Variants in POLR1D observed in about 807,000 individuals in gnomAD.
The protein encoded by POLR1D is RNA polymerase I and III subunit D.
A neutral mutation model predicts 10.8 loss-of-function variants in POLR1D; 8 were observed. The observed-to-expected ratio is 0.74, with a 90% confidence interval of 0.43 to 1.33. The LOEUF (loss-of-function observed/expected upper bound fraction) is 1.33, where lower values mean the gene tolerates loss of function less well. Ranked by LOEUF, POLR1D falls within the 40% of genes most tolerant of loss-of-function variation. POLR1D has a pLI of 0.01. For missense variants in POLR1D, 152 were observed against 161.7 expected (o/e 0.94, Z 0.32); for synonymous variants, 54 against 57.2 (o/e 0.94, Z 0.25).
upstream of POLR1D, chr13:27,621,883 T>G (rs1593273945): frequency 1.5e-5 from 19 of 1,276,590 alleles, no homozygotes; most frequent in East Asian, 4.8e-4. Context: ...GCGCCTTCCG[T>G]CGGTCGGTCC....
At chr13:27,641,658 G>C (rs1481552488) in intron 1 of POLR1D, among the ~76,000 whole-genome samples, 2 of 152,154 alleles carry the variant, frequency 1.3e-5, no homozygotes, top group African/African-American at 2.4e-5. Flanking sequence ...TACATGTTTG[G>C]AAATATTGTA....
upstream of POLR1D, chr13:27,621,589 G>GCC: frequency 6.4e-6 from 1 of 156,798 alleles, no homozygotes; most frequent in Middle Eastern, 2.9e-3. Flanking sequence ...TGATTTGGGG[G>GCC]CGGCAGGTAA....
chr13:27,648,584 G>A (rs912599691), intron 2 of POLR1D: 2 of 639,802 alleles, frequency 3.1e-6, no homozygotes, highest in African/African-American at 3.7e-5. Context: ...AGAGACAAGT[G>A]TAGAGTAAGA....
chr13:27,664,193 C>CA (rs1268548705), intron 2 of POLR1D, among the ~76,000 whole-genome samples: 1 of 152,316 alleles, frequency 6.6e-6, no homozygotes, highest in East Asian at 1.9e-4. Context: ...AGCGTGCCCC[C>CA]AGGAGGTAGA....
At chr13:27,665,241 A>G (rs1956403820) in intron 2 of POLR1D, 1 of 176,664 alleles carries the variant, frequency 5.7e-6, no homozygotes, top group Non-Finnish European at 1.2e-5. Flanking sequence ...TGTATTTAAT[A>G]TACAGCAGAA....
At chr13:27,634,575 A>G (rs508999) in intron 1 of POLR1D, among the ~76,000 whole-genome samples, 43,864 of 152,026 alleles carry the variant, frequency 0.29, 7,776 homozygotes, top group Admixed American at 0.42. Context: ...CCCTTTATAG[A>G]AAAGGCAACT....
In POLR1D at chr13:27,658,766, G is replaced by A. The variant is rs78994180; in HGVS notation, c.102-6920G>A. 8.5e-5 allele frequency among the ~76,000 whole-genome samples: 13 copies of A among 152,254 alleles called. No homozygotes were observed. In the East Asian group the frequency reaches 2.3e-3, roughly 27 times the overall value. ...GAGAAGCTGAAATATTGGCTCATATGACTTCCTTTTAGTCAACATAAAGGA... is the reference window on the plus strand; with the variant it reads ...GAGAAGCTGAAATATTGGCTCATATAACTTCCTTTTAGTCAACATAAAGGA... On this transcript the variant is annotated intron_variant, in intron 2 of 2. Transcript: ENST00000399697.
intron 1 of POLR1D, among the ~76,000 whole-genome samples, chr13:27,640,085 G>C (rs563345403): frequency 6.6e-6 from 1 of 152,242 alleles, no homozygotes; most frequent in Non-Finnish European, 1.5e-5. Context: ...GCTACATAGA[G>C]TTGTGAGGAT....
chr13:27,653,807 C>T (rs1042686511), intron 2 of POLR1D, among the ~76,000 whole-genome samples: 2 of 152,120 alleles, frequency 1.3e-5, no homozygotes, highest in African/African-American at 4.8e-5. Context: ...TTGGAAACCT[C>T]TTTGATGTCT....
At chr13:27,629,546 CTGTG>C (rs1956052987) in intron 1 of POLR1D, among the ~76,000 whole-genome samples, 1 of 152,080 alleles carries the variant, frequency 6.6e-6, no homozygotes, top group Admixed American at 6.5e-5. Context: ...TCTTAGTAGC[CTGTG>C]TATTTTTTTG....
intron 2 of POLR1D, among the ~76,000 whole-genome samples, chr13:27,656,059 A>G (rs1249471146): frequency 6.6e-6 from 1 of 152,176 alleles, no homozygotes; most frequent in Non-Finnish European, 1.5e-5. Context: ...ATAGGAGAAA[A>G]TACAGGATAA....
chr13:27,646,731 A>G (rs1208013604), intron 1 of POLR1D, among the ~76,000 whole-genome samples: 2 of 152,238 alleles, frequency 1.3e-5, no homozygotes, highest in African/African-American at 2.4e-5. Flanking sequence ...GTTTGAAAGC[A>G]TAGTATTAGG....
intron 2 of POLR1D, among the ~76,000 whole-genome samples, chr13:27,656,518 T>G (rs1032205558): frequency 1.3e-5 from 2 of 152,172 alleles, no homozygotes; most frequent in Non-Finnish European, 2.9e-5. Context: ...TATAATCTAA[T>G]GGGGGTGGGA....
intron 1 of POLR1D, among the ~76,000 whole-genome samples, chr13:27,631,540 T>TA (rs1956073722): frequency 6.6e-6 from 1 of 152,210 alleles, no homozygotes; most frequent in Admixed American, 6.5e-5. Flanking sequence ...CCGCCTTCTC[T>TA]AAAGTGGCAT....
intron 2 of POLR1D, chr13:27,651,499 A>C (rs1022501856): frequency 1.3e-5 from 2 of 152,160 alleles, no homozygotes; most frequent in African/African-American, 4.8e-5. Context: ...TATCTTTTAG[A>C]AATGTATTCT....
chr13:27,638,766 G>A (rs1956149523), intron 1 of POLR1D, among the ~76,000 whole-genome samples: 3 of 152,138 alleles, frequency 2.0e-5, no homozygotes. Context: ...ACAGAGAACT[G>A]CAGATGATTT....
chr13:27,654,606 TCA>T (rs1050979729), intron 2 of POLR1D, among the ~76,000 whole-genome samples: 3 of 152,202 alleles, frequency 2.0e-5, no homozygotes, highest in African/African-American at 7.2e-5. Flanking sequence ...TGCCATTCAG[TCA>T]CACAAGTACT....
At chr13:27,647,050 CTTTGGACTATATTTGT>C (rs1956227612) in intron 1 of POLR1D, among the ~76,000 whole-genome samples, 4 of 152,124 alleles carry the variant, frequency 2.6e-5, no homozygotes, top group South Asian at 2.1e-4. Context: ...ATAGTTCTGT[CTTTGGACTATATTTGT>C]TTTGGACTAT....
Position 27,622,925 on chromosome 13 carries a change from C to A in POLR1D, c.77C>A (p.Ala26Asp). The A allele has an allele frequency of 1.2e-6, 2 of 1,610,062 alleles. No individual in the cohort carries two copies. The highest frequency in any genetic ancestry group is 1.7e-6 in the Non-Finnish European group (2 of 1,176,324). The change falls in exon 2 of 2, where the codon GCC becomes GAC. Residue 26 changes from alanine (A) to aspartate (D), a missense_variant. Transcript: ENST00000302979. ...ATGGCTGAAGGCGAGAGGAAGACAG[C>A]CCTGGAAATGGTCCAGGCAGCTGGA... ...TSMAEGERKT[A>D]LEMVQAAGTD...
Sources: allele counts gnomAD v4.1 joint callset (sites outside exome capture counted in the v4.1 genomes callset), GRCh38; gene constraint gnomAD v4.1.1; transcripts MANE v1.5; gene names NCBI Gene and HGNC (gene_info 2026-07-23, HGNC 2026-07-21).